Variants in SGMS1 observed in about 807,000 individuals in gnomAD.
SGMS1 encodes the protein sphingomyelin synthase 1.
A neutral mutation model predicts 46.2 loss-of-function variants in SGMS1; 13 were observed. The ratio of observed to expected loss-of-function variants is 0.28; its 90% CI spans 0.18 to 0.45. The LOEUF (loss-of-function observed/expected upper bound fraction) is 0.45. Among genes scored for constraint, SGMS1 ranks in the 20% least tolerant of loss-of-function variants. The pLI is 1.00. For synonymous variants in SGMS1, 203 were observed against 187.8 expected, an observed-to-expected ratio of 1.08 and a Z score of -0.66; for missense variants, 324 against 519.9, an observed-to-expected ratio of 0.62 and a Z score of 3.66.
chr10:50,585,273 G>A (rs190109110), intron 2 of SGMS1, among the ~76,000 whole-genome samples: 3 of 152,228 alleles, frequency 2.0e-5, no homozygotes, highest in African/African-American at 7.2e-5. Context: ...CCATATGCTT[G>A]GCTTGCTTTA....
intron 6 of SGMS1, among the ~76,000 whole-genome samples, chr10:50,393,571 A>C (rs1390827285): frequency 2.6e-5 from 4 of 152,142 alleles, no homozygotes; most frequent in Admixed American, 2.6e-4. Context: ...ATGGCAGATA[A>C]GGAGGCACGT....
chr10:50,355,193 C>T (rs1848120485), intron 6 of SGMS1, among the ~76,000 whole-genome samples: 1 of 152,214 alleles, frequency 6.6e-6, no homozygotes, highest in African/African-American at 2.4e-5. Context: ...GGAACCAACC[C>T]AAATGTCCAA....
chr10:50,355,448 T>C (rs1848126958), intron 6 of SGMS1, among the ~76,000 whole-genome samples: 1 of 152,164 alleles, frequency 6.6e-6, no homozygotes, highest in African/African-American at 2.4e-5. Context: ...CTGGTTTTCG[T>C]GTTTTTGGTG....
chr10:50,509,085 GT>G (rs563370277), intron 3 of SGMS1, among the ~76,000 whole-genome samples: 363 of 152,176 alleles, frequency 2.4e-3, no homozygotes, highest in Non-Finnish European at 4.1e-3. Context: ...GTAAATCCCA[GT>G]TTTAAATAAA....
At chr10:50,330,426 A>G (rs112879025) in intron 7 of SGMS1, among the ~76,000 whole-genome samples, 25 of 152,348 alleles carry the variant, frequency 1.6e-4, no homozygotes, top group African/African-American at 5.3e-4. Flanking sequence ...TAGAGGCTAC[A>G]GTGAGTTATG....
intron 6 of SGMS1, chr10:50,418,093 T>C (rs1378687443): frequency 6.6e-6 from 1 of 152,220 alleles, no homozygotes; most frequent in Admixed American, 6.5e-5. Flanking sequence ...CAGTGTCTCC[T>C]GGAAAGTTCC....
intron 7 of SGMS1, among the ~76,000 whole-genome samples, chr10:50,338,660 T>C (rs567777620): frequency 6.6e-6 from 1 of 152,202 alleles, no homozygotes; most frequent in African/African-American, 2.4e-5. Context: ...CCCTTCTCAT[T>C]ACCCTTCCAC....
rs185838824 is a variant in SGMS1 at position 50,311,332 on chromosome 10, G to A, written c.825C>T (p.Asn275=). ...CGCTGTACAGATAGTCCCCACACAT[G>A]TTGTGAGAGCCAGTGATAGACAAGC... is the stretch of plus-strand genomic sequence containing the variant. ...GGGLSITGSH[N]MCGDYLYSGH... is the part of the protein sequence containing the mutation. The change falls in exon 9 of 11, where the codon AAC becomes AAT. Residue 275 remains asparagine (N), a synonymous_variant. Coordinates refer to ENST00000361781, the MANE Select transcript of SGMS1 (RefSeq NM_147156.4). The A allele has an allele frequency of 7.4e-6, 12 of 1,614,012 alleles. No homozygotes were observed. The highest frequency in any genetic ancestry group is 4.5e-5 in the East Asian group (2 of 44,882).
intron 6 of SGMS1, among the ~76,000 whole-genome samples, chr10:50,386,660 T>C (rs534300179): frequency 5.3e-5 from 8 of 152,268 alleles, no homozygotes; most frequent in Admixed American, 3.3e-4. Flanking sequence ...TCTAAGTTGC[T>C]ATGAGGATTA....
At chr10:50,541,659 C>A (rs1838053644) in intron 2 of SGMS1, among the ~76,000 whole-genome samples, 2 of 152,224 alleles carry the variant, frequency 1.3e-5, no homozygotes, top group Non-Finnish European at 1.5e-5. Context: ...GGCCAAGATC[C>A]TCGAAAATGG....
intron 1 of SGMS1, among the ~76,000 whole-genome samples, chr10:50,619,729 AAGCCCTTGT>A (rs1397656591): frequency 6.6e-6 from 1 of 152,242 alleles, no homozygotes; most frequent in Non-Finnish European, 1.5e-5. Context: ...GCTTCAGTTA[AAGCCCTTGT>A]GGCTTTACAT....
At chr10:50,440,258 A>T (rs1849525142) in intron 5 of SGMS1, among the ~76,000 whole-genome samples, 2 of 151,240 alleles carry the variant, frequency 1.3e-5, no homozygotes, top group African/African-American at 2.4e-5. Flanking sequence ...GAACTCTCCC[A>T]GCAACCCAAA....
At chr10:50,527,311 T>C (rs956978143) in intron 2 of SGMS1, among the ~76,000 whole-genome samples, 1 of 152,188 alleles carries the variant, frequency 6.6e-6, no homozygotes, top group African/African-American at 2.4e-5. Flanking sequence ...ATATTCCCCA[T>C]ATGCCAGGCA....
intron 6 of SGMS1, among the ~76,000 whole-genome samples, chr10:50,427,397 A>T (rs555829484): frequency 3.9e-5 from 6 of 152,302 alleles, no homozygotes; most frequent in African/African-American, 1.4e-4. Context: ...AGACTCCGTC[A>T]CAACAACAAC....
intron 1 of SGMS1, among the ~76,000 whole-genome samples, chr10:50,602,919 C>T (rs1317641806): frequency 2.6e-5 from 4 of 152,104 alleles, no homozygotes; most frequent in Admixed American, 6.5e-5. Context: ...TTGTTTTTAA[C>T]ATCATGCTCC....
chr10:50,366,198 T>C (rs192141601), intron 6 of SGMS1, among the ~76,000 whole-genome samples: 48 of 152,008 alleles, frequency 3.2e-4, no homozygotes, highest in Admixed American at 3.0e-3. Flanking sequence ...AGGTCTAATA[T>C]CCAGAATCTA....
chr10:50,317,355 T>G (rs1847356583), intron 8 of SGMS1, among the ~76,000 whole-genome samples: 1 of 152,206 alleles, frequency 6.6e-6, no homozygotes, highest in South Asian at 2.1e-4. Flanking sequence ...ATTCCAACAT[T>G]TTAGCAGTGT....
intron 6 of SGMS1, among the ~76,000 whole-genome samples, chr10:50,390,786 T>G (rs146713946): frequency 5.6e-4 from 86 of 152,342 alleles, no homozygotes; most frequent in African/African-American, 2.0e-3. Context: ...CTGAGAACAA[T>G]TTCTTTACTG....
intron 1 of SGMS1, among the ~76,000 whole-genome samples, chr10:50,599,002 A>C (rs1310989433): frequency 6.6e-6 from 1 of 152,234 alleles, no homozygotes; most frequent in Non-Finnish European, 1.5e-5. Context: ...TGAGGTGATG[A>C]AAGTAGCCAA....
Sources: gnomAD v4.1 joint callset for allele counts (sites outside exome capture counted in the v4.1 genomes callset) on GRCh38, gnomAD v4.1.1 for gene constraint, MANE v1.5 for transcripts, NCBI Gene and HGNC (gene_info 2026-07-23, HGNC 2026-07-21) for gene names.